APAF1: variants seen among roughly 807,000 people sequenced by gnomAD.
APAF1 encodes the protein apoptotic protease-activating factor 1.
In APAF1, 91 loss-of-function variants were observed where a neutral mutation model predicts 152.4. That is an observed-to-expected ratio of 0.60 (90% CI 0.50 to 0.71). The LOEUF is 0.71. APAF1 is among the 30% of genes least tolerant of loss of function. The probability of loss-of-function intolerance (pLI) is 0.00; values close to 1 mark genes in which losing one functional copy is unlikely to be tolerated. For missense variants in APAF1, 1,283 were observed against 1,472.0 expected (o/e 0.87, Z 2.10); for synonymous variants, 484 against 494.1 (o/e 0.98, Z 0.27).
intron 16 of APAF1, among the ~76,000 whole-genome samples, chr12:98,694,910 T>C (rs2097708102): frequency 6.6e-6 from 1 of 151,722 alleles, no homozygotes. Context: ...AGTCTTGGTG[T>C]GTTGCCCAGG....
At chr12:98,661,413 T>C (rs2097665146) in intron 5 of APAF1, among the ~76,000 whole-genome samples, 1 of 152,186 alleles carries the variant, frequency 6.6e-6, no homozygotes. Flanking sequence ...CTCAGTCTCA[T>C]TTGGTTTGTG....
intron 16 of APAF1, among the ~76,000 whole-genome samples, chr12:98,698,264 G>A (rs1378605104): frequency 6.6e-6 from 1 of 152,098 alleles, no homozygotes; most frequent in Non-Finnish European, 1.5e-5. Context: ...TGTTGCCCAG[G>A]CTGGTCTTGA....
chr12:98,653,771 T>C (rs2097652922), intron 4 of APAF1, among the ~76,000 whole-genome samples: 1 of 141,408 alleles, frequency 7.1e-6, no homozygotes, highest in South Asian at 2.3e-4. Flanking sequence ...CCCAGTTGTC[T>C]TTTGAAATTT....
chr12:98,688,784 C>A (rs1446381387), intron 16 of APAF1, among the ~76,000 whole-genome samples: 5 of 150,356 alleles, frequency 3.3e-5, no homozygotes, highest in Non-Finnish European at 5.9e-5. Flanking sequence ...TTTTTCTTTT[C>A]TTTTCTTTTT....
At chr12:98,720,997 A>G (rs1431439501) in intron 22 of APAF1, among the ~76,000 whole-genome samples, 1 of 152,124 alleles carries the variant, frequency 6.6e-6, no homozygotes, top group Non-Finnish European at 1.5e-5. Context: ...TTTCCTTAAC[A>G]TTTCTACAAT....
intron 26 of APAF1, among the ~76,000 whole-genome samples, chr12:98,730,923 G>A (rs2097760120): frequency 6.6e-6 from 1 of 152,196 alleles, no homozygotes; most frequent in Non-Finnish European, 1.5e-5. Flanking sequence ...TTATGCCACA[G>A]AGTACATACT....
chr12:98,735,095 GAAGA>G lies in APAF1; in HGVS notation c.*2534_*2537del, dbSNP rs1049295050. On this transcript the variant is annotated 3_prime_UTR_variant, in exon 27 of 27. Transcript: ENST00000551964. ...AGACCCTGTCTTAAAAGAAAAATGG[GAAGA>G]AAGACAAGGTAACATGAAGAAAGAA... is the stretch of plus-strand genomic sequence containing the variant. 6 of 398,226 alleles carry G rather than the reference GAAGA, an allele frequency of 1.5e-5. No homozygotes were observed. Among genetic ancestry groups the G allele is most frequent in the South Asian group, 1.3e-4 (1 of 7,834 alleles). 24.7% of individuals were successfully genotyped at this position (398,226 alleles called of 1,614,324 possible).
chr12:98,695,524 C>T (rs2097708949), intron 16 of APAF1, among the ~76,000 whole-genome samples: 1 of 152,186 alleles, frequency 6.6e-6, no homozygotes, highest in African/African-American at 2.4e-5. Flanking sequence ...ACCACCATGC[C>T]TGGCTAGAAG....
intron 20 of APAF1, among the ~76,000 whole-genome samples, chr12:98,711,445 A>T (rs2097727823): frequency 6.6e-6 from 1 of 152,206 alleles, no homozygotes; most frequent in Non-Finnish European, 1.5e-5. Flanking sequence ...GAAGATGTTC[A>T]GCTCTTCGTA....
intron 16 of APAF1, among the ~76,000 whole-genome samples, chr12:98,697,330 G>A (rs1263954149): frequency 6.6e-6 from 1 of 152,102 alleles, no homozygotes; most frequent in African/African-American, 2.4e-5. Flanking sequence ...CATATTTTGT[G>A]TTTAAGTTAT....
At chr12:98,649,297 A>G (rs1338098149) in intron 3 of APAF1, 190 bp from the exon 4 acceptor site, 2 of 875,388 alleles carry the variant, frequency 2.3e-6, no homozygotes, top group Non-Finnish European at 2.7e-6. Context: ...CTTGAAGGAT[A>G]TATGTTTGTC....
chr12:98,675,265 T>G (rs1169481015), intron 12 of APAF1, among the ~76,000 whole-genome samples: 1 of 152,220 alleles, frequency 6.6e-6, no homozygotes, highest in Non-Finnish European at 1.5e-5. Context: ...TCATTTGTTA[T>G]TTGTCTAGTA....
At chr12:98,701,711 C>T (rs2097715556) in intron 17 of APAF1, among the ~76,000 whole-genome samples, 1 of 152,156 alleles carries the variant, frequency 6.6e-6, no homozygotes, top group African/African-American at 2.4e-5. Flanking sequence ...TACAGCAGTT[C>T]CCTGTTTTAC....
At position 98,723,686 on chromosome 12, in the gene APAF1, C is replaced by A; in HGVS notation, c.3252C>A (p.His1084Gln). 1 of 1,610,194 alleles carries A rather than the reference C, an allele frequency of 6.2e-7. No homozygotes were observed. Among genetic ancestry groups the A allele is most frequent in the East Asian group, 2.2e-5 (1 of 44,766 alleles). ...TGNKEKDFVCHQGTVLSCDIS... is the reference protein window; with the variant it reads ...TGNKEKDFVCQQGTVLSCDIS... The stretch of plus-strand genomic sequence containing the variant: ...ATAAAGAAAAAGACTTTGTCTGTCA[C>A]CAGGGTACAGTACTTTCTTGTGACA... Residue 1084 changes from histidine to glutamine, a missense_variant, in exon 24 of 27, where the codon CAC (histidine) becomes CAA (glutamine). By Grantham distance (24) the His-to-Gln change is conservative. Transcript: ENST00000551964.
intron 21 of APAF1, 120 bp downstream of exon 21, chr12:98,712,555 T>C: frequency 1.4e-6 from 1 of 699,102 alleles, no homozygotes. Flanking sequence ...TCTTGCTGTG[T>C]CACCCACGCT....
intron 5 of APAF1, among the ~76,000 whole-genome samples, chr12:98,660,072 A>G (rs2097663078): frequency 6.6e-6 from 1 of 151,372 alleles, no homozygotes; most frequent in Non-Finnish European, 1.5e-5. Flanking sequence ...GGGGCCAGGG[A>G]CAGTGGCTCA....
intron 16 of APAF1, among the ~76,000 whole-genome samples, chr12:98,692,343 A>G (rs2097705181): frequency 6.6e-6 from 1 of 152,180 alleles, no homozygotes; most frequent in African/African-American, 2.4e-5. Context: ...TCGGCCTCCC[A>G]AAGTGCTGGG....
rs146324917 is a variant in APAF1 at position 98,648,811 on chromosome 12, G to C, written c.324G>C (p.Ser108=). ...AAGATTCAGTTAGTGGAATAACTTC[G>C]TATGGTTTGTATCCATTATACCTTC... ...SGKDSVSGIT[S]YVRTVLCEGG... The change falls in exon 3 of 27, where the codon TCG becomes TCC. Residue 108 remains serine (S), a synonymous_variant. Transcript: ENST00000551964. 21 of 1,613,014 alleles carry C rather than the reference G, an allele frequency of 1.3e-5. No homozygotes were observed. Among genetic ancestry groups the C allele is most frequent in the Admixed American group, 6.7e-5 (4 of 59,992 alleles).
chr12:98,714,920 C>G (rs892533124), intron 21 of APAF1, among the ~76,000 whole-genome samples: 5 of 149,690 alleles, frequency 3.3e-5, no homozygotes, highest in African/African-American at 1.2e-4. Context: ...GTCTTTGGCC[C>G]TCTTAAGTAT....
Sources: allele counts gnomAD v4.1 joint callset (sites outside exome capture counted in the v4.1 genomes callset), GRCh38; gene constraint gnomAD v4.1.1; transcripts MANE v1.5; gene names NCBI Gene and HGNC (gene_info 2026-07-23, HGNC 2026-07-21).